The following AKAP6 variants were observed in gnomAD, a reference collection of about 807,000 sequenced individuals.
The protein encoded by AKAP6 is A-kinase anchoring protein 6.
Under a neutral mutation model 188.5 loss-of-function variants are expected in AKAP6, and 58 were observed. The ratio of observed to expected loss-of-function variants is 0.31; its 90% CI spans 0.25 to 0.38. The LOEUF (loss-of-function observed/expected upper bound fraction) is 0.38, where lower values mean the gene tolerates loss of function less well. Among genes scored for constraint, AKAP6 ranks in the 10% least tolerant of loss-of-function variants. The probability of loss-of-function intolerance (pLI) is 1.00; values close to 1 mark genes in which losing one functional copy is unlikely to be tolerated. For synonymous variants in AKAP6, 989 were observed against 998.6 expected, an observed-to-expected ratio of 0.99 and a Z score of 0.18; for missense variants, 2,710 against 2,740.0, an observed-to-expected ratio of 0.99 and a Z score of 0.24.
At chr14:32,692,420 AAAG>A (rs1890221015) in intron 8 of AKAP6, among the ~76,000 whole-genome samples, 1 of 152,180 alleles carries the variant, frequency 6.6e-6, no homozygotes, top group East Asian at 1.9e-4. Flanking sequence ...TTCACTATAA[AAAG>A]AGGAGGAGGT....
At chr14:32,553,133 A>G (rs906454395) in intron 4 of AKAP6, among the ~76,000 whole-genome samples, 2 of 151,490 alleles carry the variant, frequency 1.3e-5, no homozygotes, top group Admixed American at 6.6e-5. Flanking sequence ...AAAACAAAAG[A>G]TTCTTTTTTT....
chr14:32,383,041 G>C (rs1054428163), intron 1 of AKAP6, among the ~76,000 whole-genome samples: 2 of 151,008 alleles, frequency 1.3e-5, no homozygotes, highest in African/African-American at 4.9e-5. Context: ...CTTCATTCTA[G>C]AATTAGAGAT....
At chr14:32,696,143 G>A (rs1036502363) in intron 9 of AKAP6, 33 bp downstream of exon 9, 7 of 1,573,508 alleles carry the variant, frequency 4.4e-6, no homozygotes, top group Middle Eastern at 1.7e-4. Context: ...TTACCTTGCT[G>A]TGGAAGATCT....
chr14:32,496,781 G>A (rs879709182), intron 2 of AKAP6, among the ~76,000 whole-genome samples: 3 of 152,076 alleles, frequency 2.0e-5, no homozygotes, highest in Non-Finnish European at 2.9e-5. Context: ...GCTCAACCTA[G>A]TTATTTAATG....
At chr14:32,761,391 C>G (rs1277469497) in intron 11 of AKAP6, among the ~76,000 whole-genome samples, 1 of 152,108 alleles carries the variant, frequency 6.6e-6, no homozygotes, top group Non-Finnish European at 1.5e-5. Flanking sequence ...CTTCAAGTAA[C>G]AGTCTGAACT....
intron 12 of AKAP6, among the ~76,000 whole-genome samples, chr14:32,798,244 A>G (rs1171662177): frequency 6.6e-6 from 1 of 152,210 alleles, no homozygotes. Flanking sequence ...TCAAAAAATA[A>G]TAGATGCTGG....
chr14:32,369,785 C>T (rs532149524), intron 1 of AKAP6, among the ~76,000 whole-genome samples: 89 of 152,294 alleles, frequency 5.8e-4, no homozygotes, highest in Middle Eastern at 6.8e-3. Context: ...ATCATAACCT[C>T]CTTGGGAGGC....
At chr14:32,400,581 A>T (rs71419906) in intron 1 of AKAP6, among the ~76,000 whole-genome samples, 1 of 150,590 alleles carries the variant, frequency 6.6e-6, no homozygotes, top group African/African-American at 2.4e-5. Flanking sequence ...AAAAAAAAAG[A>T]CAGTAAGCAT....
At chr14:32,569,287 G>C (rs776835010) in intron 4 of AKAP6, among the ~76,000 whole-genome samples, 12 of 152,266 alleles carry the variant, frequency 7.9e-5, no homozygotes, top group South Asian at 2.1e-4. Context: ...CTTTAGAAAA[G>C]AAGCTAAATA....
intron 7 of AKAP6, among the ~76,000 whole-genome samples, chr14:32,654,835 C>T (rs533283410): frequency 1.3e-3 from 182 of 142,568 alleles, no homozygotes; most frequent in Middle Eastern, 6.9e-3. Context: ...GGTGACAGGG[C>T]GAGACCCTGT....
intron 1 of AKAP6, among the ~76,000 whole-genome samples, chr14:32,333,195 G>T (rs1886586351): frequency 6.6e-6 from 1 of 152,140 alleles, no homozygotes; most frequent in Non-Finnish European, 1.5e-5. Flanking sequence ...CATCAAAGCT[G>T]CTAGGTACAA....
Position 32,822,785 on chromosome 14 carries a change from A to G in AKAP6, c.4972A>G (p.Thr1658Ala). The change falls in exon 13 of 14, where the codon ACT (threonine) becomes GCT (alanine). Residue 1658 changes from threonine (T) to alanine (A), a missense_variant. Coordinates refer to ENST00000280979, the MANE Select transcript of AKAP6 (RefSeq NM_004274.5). The part of the protein sequence containing the change: ...QKIKRSVSDI[T>A]LQSSSQKMSF... Reference sequence around the variant, plus strand: ...GATAAAACGAAGTGTTTCTGATATCACTCTTCAAAGCAGTTCCCAAAAGAT... The same window carrying G: ...GATAAAACGAAGTGTTTCTGATATCGCTCTTCAAAGCAGTTCCCAAAAGAT... 6.2e-7 allele frequency: 1 copy of G among 1,613,864 alleles called. No homozygotes were observed. The highest frequency in any genetic ancestry group is 8.5e-7 in the Non-Finnish European group (1 of 1,179,916).
chr14:32,612,658 G>A (rs935470383), intron 7 of AKAP6, among the ~76,000 whole-genome samples: 1 of 151,992 alleles, frequency 6.6e-6, no homozygotes, highest in East Asian at 1.9e-4. Flanking sequence ...TTTTATTATA[G>A]TGTGAATTTA....
At chr14:32,702,894 T>C (rs1438143051) in intron 9 of AKAP6, among the ~76,000 whole-genome samples, 1 of 151,410 alleles carries the variant, frequency 6.6e-6, no homozygotes, top group East Asian at 1.9e-4. Flanking sequence ...AGATGGGCCA[T>C]GTGACCACGC....
At chr14:32,748,681 G>A (rs1008745787) in intron 11 of AKAP6, among the ~76,000 whole-genome samples, 9 of 151,998 alleles carry the variant, frequency 5.9e-5, no homozygotes, top group Non-Finnish European at 8.8e-5. Context: ...CCAAGACTAG[G>A]AAAAAAGGAG....
intron 7 of AKAP6, among the ~76,000 whole-genome samples, chr14:32,643,571 G>T (rs1389185394): frequency 1.3e-5 from 2 of 152,134 alleles, no homozygotes; most frequent in African/African-American, 4.8e-5. Flanking sequence ...CTCCCAAAGT[G>T]TTGGGATTAC....
chr14:32,603,542 T>A (rs1430241824), intron 7 of AKAP6, among the ~76,000 whole-genome samples: 12 of 152,174 alleles, frequency 7.9e-5, no homozygotes, highest in Non-Finnish European at 2.9e-5. Flanking sequence ...CCTCAGACCA[T>A]ATCAGAACCT....
intron 1 of AKAP6, among the ~76,000 whole-genome samples, chr14:32,367,431 T>A (rs1885721): frequency 0.86 from 131,042 of 152,186 alleles, 56,840 homozygotes; most frequent in East Asian, 0.96. Flanking sequence ...TTGTGAACAT[T>A]AGCATTATCA....
At chr14:32,458,216 A>T (rs1891209044) in intron 2 of AKAP6, among the ~76,000 whole-genome samples, 1 of 152,216 alleles carries the variant, frequency 6.6e-6, no homozygotes, top group Non-Finnish European at 1.5e-5. Context: ...TTAGATTAAG[A>T]TAATGATCAT....
Sources: gnomAD v4.1 joint callset for allele counts (sites outside exome capture counted in the v4.1 genomes callset) on GRCh38, gnomAD v4.1.1 for gene constraint, MANE v1.5 for transcripts, NCBI Gene and HGNC (gene_info 2026-07-23, HGNC 2026-07-21) for gene names.